Variants in XRCC1 observed in about 807,000 individuals in gnomAD.
XRCC1 encodes DNA repair protein XRCC1.
In XRCC1, 52 loss-of-function variants were observed where a neutral mutation model predicts 83.3. That is an observed-to-expected ratio of 0.62 (90% CI 0.50 to 0.79). The LOEUF (loss-of-function observed/expected upper bound fraction) is 0.79, where lower values mean the gene tolerates loss of function less well. Among genes scored for constraint, XRCC1 ranks in the 30% least tolerant of loss-of-function variants. XRCC1 has a pLI of 0.00. For missense variants in XRCC1, 793 were observed against 823.5 expected (o/e 0.96, Z 0.45); for synonymous variants, 281 against 312.6 (o/e 0.90, Z 1.07).
chr19:43,553,409 G>A lies in XRCC1; in HGVS notation c.593C>T (p.Thr198Ile), dbSNP rs749142328. The A allele has an allele frequency of 6.2e-7, 1 of 1,614,150 alleles. No homozygotes were observed. ...ACGTTGTCCGAGCTCACCTGGGGAT[G>A]TCTTGTTGATCCGGCTGAAGAAGAG... ...GALFFSRINK[T>I]SPVTASDPAG... The change falls in exon 6 of 17, where the codon ACA becomes ATA. Residue 198 changes from threonine (T) to isoleucine (I), a missense_variant. Transcript: ENST00000262887.
chr19:43,558,932 G>A (rs1466503720), intron 3 of XRCC1, among the ~76,000 whole-genome samples: 1 of 151,500 alleles, frequency 6.6e-6, no homozygotes, highest in Non-Finnish European at 1.5e-5. Flanking sequence ...AAGCTCAGGA[G>A]TTCAAGACCA....
chr19:43,552,372 T>G (rs1172212834), intron 8 of XRCC1, 97 bp from the exon 9 acceptor site: 1 of 811,896 alleles, frequency 1.2e-6, no homozygotes, highest in Non-Finnish European at 1.8e-6. Flanking sequence ...CAGACCCTCC[T>G]CCCTCAGACC....
chr19:43,555,231 A>AG (rs1972623856), intron 3 of XRCC1: 1 of 154,920 alleles, frequency 6.5e-6, no homozygotes, highest in Non-Finnish European at 1.4e-5. Flanking sequence ...GAGTCAGGCG[A>AG]GCTGCACTAA....
In XRCC1 at chr19:43,552,203, G is replaced by A; in HGVS notation, c.896C>T (p.Pro299Leu). The A allele has an allele frequency of 1.9e-6, 3 of 1,613,926 alleles. No homozygotes were observed. The highest frequency in any genetic ancestry group is 2.7e-5 in the African/African-American group (2 of 75,012). ...TCTGGGCTCGGTGCCTTCTCCTCGG[G>A]GTTTGCCTGTCACTGCCCCCTGTGC... ...ARAQGAVTGK[P>L]RGEGTEPRRP... The change falls in exon 9 of 17, where the codon CCC becomes CTC. Residue 299 changes from proline to leucine, a missense_variant. Coordinates refer to ENST00000262887, the MANE Select transcript of XRCC1 (RefSeq NM_006297.3).
intron 10 of XRCC1, among the ~76,000 whole-genome samples, chr19:43,550,496 C>T (rs1478466266): frequency 3.3e-5 from 5 of 152,124 alleles, no homozygotes; most frequent in Admixed American, 2.6e-4. Context: ...CTCACAGCCT[C>T]GCTATCCCCC....
intron 3 of XRCC1, among the ~76,000 whole-genome samples, chr19:43,556,452 A>G (rs1972636630): frequency 6.6e-6 from 1 of 152,214 alleles, no homozygotes; most frequent in Non-Finnish European, 1.5e-5. Flanking sequence ...AACTCCTCAC[A>G]AGTCTGTTCT....
chr19:43,557,307 C>CAAAAAAA (rs33984597), intron 3 of XRCC1, among the ~76,000 whole-genome samples: 1 of 77,862 alleles, frequency 1.3e-5, no homozygotes, highest in African/African-American at 5.2e-5. Context: ...GACTCCGTCT[C>CAAAAAAA]AAAAAAAAAA....
In XRCC1 at chr19:43,548,779, A is replaced by AAAAAAAAAAAAAAAAAAAAAAAAAC. The variant is rs1213062759; in HGVS notation, c.1200-1803_1200-1802insGTTTTTTTTTTTTTTTTTTTTTTTT. ...CCCAAGAATGATCAAAAAAAAAAAAAAAAAAAACACAACAGTAGCAGGTTG... is the reference window on the plus strand; with the variant it reads ...CCCAAGAATGATCAAAAAAAAAAAAAAAAAAAAAAAAAAAAAAAAAAAAACAAAAAAACACAACAGTAGCAGGTTG... On this transcript the variant is annotated intron_variant, in intron 10 of 16. Coordinates refer to ENST00000262887, the MANE Select transcript of XRCC1 (RefSeq NM_006297.3). Among the ~76,000 whole-genome samples, 31 of 141,718 alleles carry AAAAAAAAAAAAAAAAAAAAAAAAAC rather than the reference A, an allele frequency of 2.2e-4. 1 individual carries two copies. The highest frequency in any genetic ancestry group is 9.5e-4 in the South Asian group (4 of 4,206). 93.0% of individuals were successfully genotyped at this position (141,718 alleles called of 152,430 possible).
chr19:43,553,005 T>G lies in XRCC1; in HGVS notation c.688A>C (p.Arg230=), dbSNP rs371688474. The change falls in exon 7 of 17, where the codon AGG becomes CGG. Residue 230 remains arginine, a synonymous_variant. Transcript: ENST00000262887. The part of the protein sequence containing the change: ...SAASSASPVS[R]AIGSTSKPQE... ...ACCTTGGAGGTGCTGCCTATGGCCC[T>G]GGAGACTGGAGAGGCTGAGGAGGCA... 4 of 1,602,704 alleles carry G rather than the reference T, an allele frequency of 2.5e-6. No individual in the cohort carries two copies. Among genetic ancestry groups the G allele is most frequent in the Non-Finnish European group, 3.4e-6 (4 of 1,175,040 alleles).
intron 11 of XRCC1, 56 bp downstream of exon 11, chr19:43,546,828 C>G: frequency 1.2e-6 from 2 of 1,601,984 alleles, no homozygotes; most frequent in Non-Finnish European, 1.7e-6. Flanking sequence ...GGTGCCACAG[C>G]GGACTCATGT....
Position 43,553,493 on chromosome 19 carries a change from A to C in XRCC1, c.509T>G (p.Leu170Arg), listed in dbSNP as rs1972604097. Residue 170 changes from leucine to arginine, a missense_variant, in exon 6 of 17, where the codon CTT becomes CGT. Transcript: ENST00000262887. ...CTCCTCCTTCACACGGAACTGGCCA[A>C]GCTTGGTCACTGTCACCTTCTAAGG... ...APSQKVTVTK[L>R]GQFRVKEEDE... The C allele has an allele frequency of 1.9e-6, 3 of 1,614,050 alleles. No homozygotes were observed. The highest frequency in any genetic ancestry group is 1.3e-5 in the African/African-American group (1 of 74,910).
chr19:43,554,507 C>T (rs566336282), intron 4 of XRCC1, 139 bp downstream of exon 4: 100 of 1,120,324 alleles, frequency 8.9e-5, no homozygotes, highest in Non-Finnish European at 1.1e-4. Context: ...TTTCAGGGAA[C>T]GCAGGGACCC....
chr19:43,561,730 C>T (rs1972701158), intron 2 of XRCC1, among the ~76,000 whole-genome samples: 1 of 152,228 alleles, frequency 6.6e-6, no homozygotes, highest in South Asian at 2.1e-4. Flanking sequence ...ATCTGCCATT[C>T]CTGTCTGACA....
chr19:43,566,659 T>G (rs1477849535), intron 2 of XRCC1, among the ~76,000 whole-genome samples: 1 of 150,940 alleles, frequency 6.6e-6, no homozygotes, highest in Non-Finnish European at 1.5e-5. Context: ...CAGGTGGATT[T>G]CTTGAGCCCA....
intron 1 of XRCC1, 38 bp downstream of exon 1, chr19:43,575,370 C>T (rs1972846191): frequency 1.3e-6 from 2 of 1,568,770 alleles, no homozygotes; most frequent in Non-Finnish European, 1.7e-6. Flanking sequence ...TCATTAATTC[C>T]CTCACGTCTT....
chr19:43,565,013 T>C (rs1346564791), intron 2 of XRCC1, among the ~76,000 whole-genome samples: 2 of 152,138 alleles, frequency 1.3e-5, no homozygotes. Context: ...CTGAAAGCGC[T>C]GGCATCACTC....
intron 2 of XRCC1, among the ~76,000 whole-genome samples, chr19:43,569,353 G>A (rs1972784809): frequency 6.6e-6 from 1 of 151,876 alleles, no homozygotes; most frequent in Admixed American, 6.6e-5. Flanking sequence ...GCACATGCCT[G>A]TAGTCCCAAC....
chr19:43,545,773 G>A (rs374812034), intron 14 of XRCC1, 45 bp downstream of exon 14: 1 of 1,605,710 alleles, frequency 6.2e-7, no homozygotes, highest in Non-Finnish European at 8.5e-7. Flanking sequence ...GCTGAGAACT[G>A]AGAAGAGAAA....
intron 2 of XRCC1, among the ~76,000 whole-genome samples, chr19:43,563,898 C>A (rs1261521459): frequency 6.6e-6 from 1 of 152,196 alleles, no homozygotes; most frequent in Non-Finnish European, 1.5e-5. Flanking sequence ...GACTTTTAAG[C>A]TCCACAAGAG....
Sources: gnomAD v4.1 joint callset for allele counts (sites outside exome capture counted in the v4.1 genomes callset) on GRCh38, gnomAD v4.1.1 for gene constraint, MANE v1.5 for transcripts, NCBI Gene and HGNC (gene_info 2026-07-23, HGNC 2026-07-21) for gene names.